The following PRDM5 variants were observed in gnomAD, a reference collection of about 807,000 sequenced individuals.
The protein encoded by PRDM5 is PR domain zinc finger protein 5.
A neutral mutation model predicts 81.2 loss-of-function variants in PRDM5; 56 were observed. That is an observed-to-expected ratio of 0.69 (90% CI 0.56 to 0.86). PRDM5 has a LOEUF of 0.86. Among genes scored for constraint, PRDM5 ranks in the 40% least tolerant of loss-of-function variants. PRDM5 has a pLI of 0.00. For missense variants in PRDM5, 697 were observed against 770.1 expected, an observed-to-expected ratio of 0.91 and a Z score of 1.12; for synonymous variants, 267 against 256.4, an observed-to-expected ratio of 1.04 and a Z score of -0.39.
intron 12 of PRDM5, among the ~76,000 whole-genome samples, chr4:120,777,733 T>C (rs1748399872): frequency 6.6e-6 from 1 of 152,160 alleles, no homozygotes; most frequent in Non-Finnish European, 1.5e-5. Context: ...GATGTTTGAC[T>C]AGACTGGTTT....
At chr4:120,752,745 T>C (rs1186184122) in intron 14 of PRDM5, among the ~76,000 whole-genome samples, 1 of 152,170 alleles carries the variant, frequency 6.6e-6, no homozygotes, top group Non-Finnish European at 1.5e-5. Context: ...GGTTCAAATC[T>C]CAACTCTGCC....
intron 3 of PRDM5, among the ~76,000 whole-genome samples, chr4:120,852,773 A>T (rs983141606): frequency 3.8e-4 from 56 of 148,570 alleles, no homozygotes; most frequent in African/African-American, 1.3e-3. Context: ...TTTTTATATT[A>T]AAAAAAGGAT....
chr4:120,732,251 T>C (rs144710825), intron 14 of PRDM5, among the ~76,000 whole-genome samples: 38 of 152,326 alleles, frequency 2.5e-4, no homozygotes, highest in Non-Finnish European at 5.4e-4. Context: ...ATTAGGAAGA[T>C]TTCTTGATTA....
intron 2 of PRDM5, among the ~76,000 whole-genome samples, chr4:120,858,272 CA>C (rs936511679): frequency 3.9e-5 from 6 of 152,100 alleles, no homozygotes; most frequent in Admixed American, 2.0e-4. Flanking sequence ...ATTCTTTCTG[CA>C]ATTGTTTTTA....
intron 2 of PRDM5, among the ~76,000 whole-genome samples, chr4:120,864,667 A>C (rs1177829196): frequency 6.6e-6 from 1 of 152,206 alleles, no homozygotes; most frequent in Non-Finnish European, 1.5e-5. Context: ...GATTTACAGA[A>C]TATCCTTTAA....
intron 13 of PRDM5, among the ~76,000 whole-genome samples, chr4:120,757,067 T>C (rs886151060): frequency 1.3e-5 from 2 of 152,186 alleles, no homozygotes; most frequent in African/African-American, 4.8e-5. Context: ...TAATATAATA[T>C]ACCAGGTTAC....
chr4:120,880,200 C>T (rs1762713119), intron 2 of PRDM5, among the ~76,000 whole-genome samples: 2 of 149,698 alleles, frequency 1.3e-5, no homozygotes, highest in African/African-American at 4.8e-5. Flanking sequence ...AATTAAAACT[C>T]ACACACAAAT....
intron 5 of PRDM5, 71 bp from the exon 6 acceptor site, chr4:120,816,995 C>A: frequency 9.1e-6 from 11 of 1,206,522 alleles, no homozygotes; most frequent in South Asian, 3.7e-5. Context: ...AATGAAACTA[C>A]ACTAACTCTG....
rs1408205138 is a variant in PRDM5 at position 120,699,155 on chromosome 4, AATATAAATAT to A, written c.1729-3890_1729-3881del. ...AACAAATGTATAGGCAATTATAGGA[AATATAAATAT>A]ATATATATATATATATATATATATA... is the stretch of plus-strand genomic sequence containing the variant. On this transcript the variant is annotated intron_variant, in intron 15 of 15. Transcript: ENST00000264808. Among the ~76,000 whole-genome samples, 121 of 89,556 alleles carry A rather than the reference AATATAAATAT, an allele frequency of 1.4e-3. 1 individual carries two copies. The highest frequency in any genetic ancestry group is 5.8e-3 in the East Asian group (19 of 3,254). The allele number at this position is 89,556 out of a possible 152,430, so 58.8% of individuals were successfully genotyped here. A position where few individuals can be genotyped will look rare whatever the true frequency, so the allele number is the denominator to read the frequency against.
intron 13 of PRDM5, among the ~76,000 whole-genome samples, chr4:120,755,845 C>T (rs529691789): frequency 6.6e-6 from 1 of 152,274 alleles, no homozygotes; most frequent in South Asian, 2.1e-4. Flanking sequence ...AGCGGTGTCC[C>T]CTGCCAAGCG....
intron 3 of PRDM5, among the ~76,000 whole-genome samples, chr4:120,844,495 A>G (rs1278648211): frequency 6.6e-6 from 1 of 152,110 alleles, no homozygotes; most frequent in Non-Finnish European, 1.5e-5. Context: ...TGTTAGGATA[A>G]CCTGTGATCA....
chr4:120,693,586 A>G lies in PRDM5; in HGVS notation c.*1525T>C, dbSNP rs928689067. 1 of 152,100 alleles carries G rather than the reference A, an allele frequency of 6.6e-6. No homozygotes were observed. The highest frequency in any genetic ancestry group is 2.4e-5 in the African/African-American group (1 of 41,434). 9.4% of individuals were successfully genotyped at this position (152,100 alleles called of 1,614,324 possible). On this transcript the variant is annotated 3_prime_UTR_variant, in exon 16 of 16. Coordinates refer to ENST00000264808, the MANE Select transcript of PRDM5 (RefSeq NM_018699.4). Reference sequence around the variant, plus strand: ...ATCTCTTCTGAGTTTCAAATTTAGTATTTTACAACATTCAAATGTCTACAT... The same window carrying G: ...ATCTCTTCTGAGTTTCAAATTTAGTGTTTTACAACATTCAAATGTCTACAT...
At chr4:120,809,576 A>C (rs931990410) in intron 8 of PRDM5, among the ~76,000 whole-genome samples, 8 of 152,212 alleles carry the variant, frequency 5.3e-5, no homozygotes, top group African/African-American at 1.9e-4. Context: ...TTGAACTCCC[A>C]AATTATTTTC....
intron 14 of PRDM5, among the ~76,000 whole-genome samples, chr4:120,735,013 C>T (rs1249724419): frequency 6.6e-6 from 1 of 152,152 alleles, no homozygotes; most frequent in Non-Finnish European, 1.5e-5. Flanking sequence ...GTTAGTTGGC[C>T]ATCTGAGACC....
At chr4:120,922,349 C>T (rs1040402462) in intron 1 of PRDM5, among the ~76,000 whole-genome samples, 167 bp downstream of exon 1, 1 of 151,856 alleles carries the variant, frequency 6.6e-6, no homozygotes, top group African/African-American at 2.4e-5. Flanking sequence ...AAGGCCACCC[C>T]CGCCGTGCCC....
intron 10 of PRDM5, among the ~76,000 whole-genome samples, chr4:120,792,437 G>T (rs1750712971): frequency 6.6e-6 from 1 of 152,112 alleles, no homozygotes; most frequent in Admixed American, 6.6e-5. Flanking sequence ...AAAACAGCAA[G>T]AACTATTGGA....
intron 14 of PRDM5, among the ~76,000 whole-genome samples, chr4:120,728,691 C>T (rs1162555858): frequency 6.6e-6 from 1 of 152,138 alleles, no homozygotes; most frequent in Admixed American, 6.5e-5. Context: ...TTACATACGT[C>T]GCCTAGTGTT....
intron 15 of PRDM5, among the ~76,000 whole-genome samples, chr4:120,706,330 T>C (rs1382276058): frequency 1.3e-5 from 2 of 152,148 alleles, no homozygotes; most frequent in Non-Finnish European, 2.9e-5. Context: ...CTCTGTGTAT[T>C]TCCCATATGA....
intron 12 of PRDM5, among the ~76,000 whole-genome samples, chr4:120,780,252 C>CT (rs143024061): frequency 0.21 from 31,431 of 151,700 alleles, 3,701 homozygotes; most frequent in Non-Finnish European, 0.28. Context: ...CAAGACCATC[C>CT]TGGGCAACAT....
Sources: allele counts gnomAD v4.1 joint callset (sites outside exome capture counted in the v4.1 genomes callset), GRCh38; gene constraint gnomAD v4.1.1; transcripts MANE v1.5; gene names NCBI Gene and HGNC (gene_info 2026-07-23, HGNC 2026-07-21).